The following STRN variants were observed in gnomAD, a reference collection of about 807,000 sequenced individuals.
STRN encodes protein phosphatase 2 regulatory subunit B'''alpha.
A neutral mutation model predicts 96.3 loss-of-function variants in STRN; 53 were observed. The observed-to-expected ratio is 0.55, with a 90% CI of 0.44 to 0.69. STRN has a LOEUF of 0.69. Ranked by LOEUF, STRN falls within the 30% of genes least tolerant of loss-of-function variation. STRN has a pLI of 0.00. For missense variants in STRN, 987 were observed against 963.9 expected (o/e 1.02, Z -0.32); for synonymous variants, 428 against 355.9 (o/e 1.20, Z -2.28).
chr2:36,863,722 G>C (rs1225157037), intron 12 of STRN, among the ~76,000 whole-genome samples: 1 of 152,192 alleles, frequency 6.6e-6, no homozygotes, highest in Admixed American at 6.5e-5. Context: ...GATAGGAATA[G>C]CATTGAATTT....
chr2:36,913,084 A>AT (rs1005923229), intron 3 of STRN, among the ~76,000 whole-genome samples: 1 of 152,096 alleles, frequency 6.6e-6, no homozygotes, highest in African/African-American at 2.4e-5. Flanking sequence ...AACCTTACTC[A>AT]TTTGCCCAGG....
intron 1 of STRN, among the ~76,000 whole-genome samples, chr2:36,959,956 TG>T (rs1308965635): frequency 6.6e-6 from 1 of 152,148 alleles, no homozygotes; most frequent in Non-Finnish European, 1.5e-5. Context: ...TGAGAAACAC[TG>T]AACTGAAGAG....
chr2:36,851,131 AAC>A, intron 15 of STRN, 24 bp from the exon 16 acceptor site: 1 of 1,555,336 alleles, frequency 6.4e-7, no homozygotes, highest in South Asian at 1.1e-5. Context: ...ATTAAAAAGC[AAC>A]ACAACTTAGT....
chr2:36,879,914 G>C (rs1669022372), intron 9 of STRN, among the ~76,000 whole-genome samples: 1 of 151,872 alleles, frequency 6.6e-6, no homozygotes, highest in Non-Finnish European at 1.5e-5. Flanking sequence ...AGGACCCTTT[G>C]GGGCCAGATG....
At chr2:36,935,628 T>C (rs973106189) in intron 1 of STRN, among the ~76,000 whole-genome samples, 13 of 152,238 alleles carry the variant, frequency 8.5e-5, no homozygotes, top group African/African-American at 3.1e-4. Flanking sequence ...CCCACTTGTA[T>C]TGAGGACACA....
In STRN at chr2:36,848,502, G is replaced by C. The variant is rs1442002659; in HGVS notation, c.*954C>G. The stretch of plus-strand genomic sequence containing the variant: ...TCTGAAGCATGATTAGGTGGGTGTT[G>C]ATAAATGATTATTAGCAAATAAATT... On this transcript the variant is annotated 3_prime_UTR_variant, in exon 18 of 18. Transcript: ENST00000263918. 2.0e-5 allele frequency: 3 copies of C among 152,118 alleles called. No individual in the cohort carries two copies. Among genetic ancestry groups the C allele is most frequent in the Non-Finnish European group, 2.9e-5 (2 of 68,006 alleles). The allele number at this position is 152,118 out of a possible 1,614,324, so 9.4% of individuals were successfully genotyped here.
rs148609214 is a variant in STRN, at chr2:36,932,247, C to T, written c.235-7039G>A. Reference sequence around the variant, plus strand: ...TCGGCTCACTGCAACCTCCACCTCCCGGGTTCAAGCAATTCTCCTATGTCA... The same window carrying T: ...TCGGCTCACTGCAACCTCCACCTCCTGGGTTCAAGCAATTCTCCTATGTCA... On this transcript the variant is annotated intron_variant, in intron 1 of 17. Coordinates refer to ENST00000263918, the MANE Select transcript of STRN (RefSeq NM_003162.4). Among the ~76,000 whole-genome samples the T allele has an allele frequency of 3.1e-3, 476 of 152,190 alleles. 2 individuals are homozygous for T. The highest frequency in any genetic ancestry group is 7.3e-3 in the South Asian group (35 of 4,822).
At chr2:36,914,979 C>T (rs957959734) in intron 3 of STRN, among the ~76,000 whole-genome samples, 5 of 151,526 alleles carry the variant, frequency 3.3e-5, no homozygotes, top group South Asian at 2.1e-4. Flanking sequence ...GGGCGGATCC[C>T]GAGGTCAGGA....
chr2:36,939,567 G>C (rs753972005), intron 1 of STRN, among the ~76,000 whole-genome samples: 1 of 151,708 alleles, frequency 6.6e-6, no homozygotes, highest in Non-Finnish European at 1.5e-5. Context: ...ATTTTTTGCA[G>C]TGACAGGGTC....
chr2:36,900,549 G>C (rs1353784849), intron 5 of STRN, among the ~76,000 whole-genome samples: 1 of 152,156 alleles, frequency 6.6e-6, no homozygotes, highest in Non-Finnish European at 1.5e-5. Flanking sequence ...CTTAGAAATA[G>C]TTGAATTTTC....
Position 36,846,432 on chromosome 2 carries a change from TTATA to T in STRN, c.*3020_*3023del, listed in dbSNP as rs1668079916. 3 of 117,434 alleles carry T rather than the reference TTATA, an allele frequency of 2.6e-5. No individual in the cohort carries two copies. Among genetic ancestry groups the T allele is most frequent in the Non-Finnish European group, 5.3e-5 (3 of 56,966 alleles). The allele number at this position is 117,434 out of a possible 1,614,324, so 7.3% of individuals were successfully genotyped here. A position where few individuals can be genotyped will look rare whatever the true frequency, so the allele number is the denominator to read the frequency against. On this transcript the variant is annotated 3_prime_UTR_variant, in exon 18 of 18. Transcript: ENST00000263918. ...ATATATATATATATATATATATAGT[TTATA>T]TATTATATATATTCTTACAATATAT...
At position 36,956,499 on chromosome 2, in the gene STRN, A is replaced by G. The variant is rs1443090145; in HGVS notation, c.234+9731T>C. ...GGCAAGAAACGCCAAAGATCCAAGGACAATTTTATTTCTAATGGCCCAGAA... is the reference window on the plus strand; with the variant it reads ...GGCAAGAAACGCCAAAGATCCAAGGGCAATTTTATTTCTAATGGCCCAGAA... On this transcript the variant is annotated intron_variant, in intron 1 of 17. Transcript: ENST00000263918. 4.6e-5 allele frequency among the ~76,000 whole-genome samples: 7 copies of G among 152,222 alleles called. No individual in the cohort carries two copies. The East Asian group carries it at 1.2e-3, about 25-fold the overall frequency.
At chr2:36,873,054 C>A (rs1011163287) in intron 10 of STRN, among the ~76,000 whole-genome samples, 1 of 37,400 alleles carries the variant, frequency 2.7e-5, no homozygotes, top group Admixed American at 5.2e-4. Context: ...GAACCTGCCA[C>A]GACAGTGGGG....
chr2:36,934,628 G>T (rs1260138724), intron 1 of STRN, among the ~76,000 whole-genome samples: 1 of 152,180 alleles, frequency 6.6e-6, no homozygotes, highest in African/African-American at 2.4e-5. Flanking sequence ...AAAACATTCA[G>T]TCTTTATGTA....
chr2:36,864,182 G>C (rs1451702757), intron 12 of STRN, among the ~76,000 whole-genome samples: 1 of 152,080 alleles, frequency 6.6e-6, no homozygotes, highest in Non-Finnish European at 1.5e-5. Context: ...AGGACTTCCA[G>C]TACTATATTG....
chr2:36,954,945 C>T (rs1019519370), intron 1 of STRN, among the ~76,000 whole-genome samples: 17 of 152,150 alleles, frequency 1.1e-4, no homozygotes, highest in Non-Finnish European at 5.9e-5. Context: ...AGTCCAAGAA[C>T]TACACTGTTA....
chr2:36,887,238 G>C (rs1669259468), intron 7 of STRN, among the ~76,000 whole-genome samples: 1 of 150,232 alleles, frequency 6.7e-6, no homozygotes, highest in Non-Finnish European at 1.5e-5. Context: ...AGACCAGCCT[G>C]ACCAACAGGT....
chr2:36,883,498 A>G (rs1263708581), intron 9 of STRN, among the ~76,000 whole-genome samples: 1 of 152,174 alleles, frequency 6.6e-6, no homozygotes, highest in African/African-American at 2.4e-5. Context: ...CCAAGACTGA[A>G]AGGGAACAAG....
chr2:36,951,730 C>T lies in STRN; in HGVS notation c.234+14500G>A, dbSNP rs537216438. On this transcript the variant is annotated intron_variant, in intron 1 of 17. Coordinates refer to ENST00000263918, the MANE Select transcript of STRN (RefSeq NM_003162.4). The stretch of plus-strand genomic sequence containing the variant: ...TACTGACCTTAGAGAAATAAAAATG[C>T]CCTTAGGTGACTCAGAGTCTACTGA... Among the ~76,000 whole-genome samples, 6 of 152,282 alleles carry T rather than the reference C, an allele frequency of 3.9e-5. No homozygotes were observed. The South Asian group carries it at 1.2e-3, about 32-fold the overall frequency.
Sources: gnomAD v4.1 joint callset for allele counts (sites outside exome capture counted in the v4.1 genomes callset) on GRCh38, gnomAD v4.1.1 for gene constraint, MANE v1.5 for transcripts, NCBI Gene and HGNC (gene_info 2026-07-23, HGNC 2026-07-21) for gene names.